ATXN10: variants seen among roughly 807,000 people sequenced by gnomAD.
The protein encoded by ATXN10 is ataxin 10.
Under a neutral mutation model 52.9 loss-of-function variants are expected in ATXN10, and 28 were observed. The observed-to-expected ratio is 0.53, with a 90% CI of 0.39 to 0.73. ATXN10 has a LOEUF of 0.73. ATXN10 is among the 30% of genes least tolerant of loss of function. ATXN10 has a pLI of 0.00. For synonymous variants in ATXN10, 226 were observed against 221.5 expected (o/e 1.02, Z -0.18); for missense variants, 565 against 577.0 (o/e 0.98, Z 0.21).
Position 45,689,887 on chromosome 22 carries a change from A to C in ATXN10, c.292A>C (p.Asn98His). The C allele has an allele frequency of 6.2e-7, 1 of 1,614,176 alleles. No homozygotes were observed. The highest frequency in any genetic ancestry group is 2.2e-5 in the East Asian group (1 of 44,888). ...CAATGCTTGCATAGAGTGTTCTGTG[A>C]ACCAGAATTCAATCAGGTAGTTACA... ...LRNACIECSV[N>H]QNSIRNLDTI... Residue 98 changes from asparagine to histidine, a missense_variant, in exon 2 of 12, where the codon AAC (asparagine) becomes CAC (histidine). Transcript: ENST00000252934.
chr22:45,801,568 CAA>C (rs1459770689), intron 9 of ATXN10, among the ~76,000 whole-genome samples: 6 of 152,116 alleles, frequency 3.9e-5, no homozygotes, highest in African/African-American at 1.2e-4. Flanking sequence ...CTAAAGCCAG[CAA>C]AAGAGTATGG....
rs1925900042 is a variant in ATXN10, at chr22:45,750,311, G to T, written c.1173+9773G>T. Among the ~76,000 whole-genome samples the T allele has an allele frequency of 6.6e-6, 1 of 152,010 alleles. No homozygotes were observed. Among genetic ancestry groups the T allele is most frequent in the African/African-American group, 2.4e-5 (1 of 41,360 alleles). On this transcript the variant is annotated intron_variant, in intron 9 of 11. Coordinates refer to ENST00000252934, the MANE Select transcript of ATXN10 (RefSeq NM_013236.4). The surrounding 1 kb of genome is among the most constrained non-coding windows in gnomAD (Gnocchi z 4.2). ...GGATTTTCCCATGTTCCCCAGGCTGGTCTTGAACTCCTGAGCTTGAGCAGT... is the reference window on the plus strand; with the variant it reads ...GGATTTTCCCATGTTCCCCAGGCTGTTCTTGAACTCCTGAGCTTGAGCAGT...
intron 9 of ATXN10, among the ~76,000 whole-genome samples, chr22:45,764,521 A>G (rs1039941656): frequency 2.0e-5 from 3 of 152,146 alleles, no homozygotes; most frequent in African/African-American, 7.2e-5. Flanking sequence ...CTCGCTCTTC[A>G]TGAGCCTTTG....
At chr22:45,707,805 C>G (rs1924100180) in intron 5 of ATXN10, among the ~76,000 whole-genome samples, 1 of 151,918 alleles carries the variant, frequency 6.6e-6, no homozygotes, top group Non-Finnish European at 1.5e-5. Flanking sequence ...GAGAGGAACT[C>G]TACATTTGGT....
chr22:45,721,174 G>A (rs1208058325), intron 6 of ATXN10, among the ~76,000 whole-genome samples: 2 of 152,080 alleles, frequency 1.3e-5, no homozygotes, highest in Non-Finnish European at 2.9e-5. Context: ...ATCAATTCAC[G>A]TGGCATGATT....
Position 45,750,805 on chromosome 22 carries a change from A to G in ATXN10, c.1173+10267A>G, listed in dbSNP as rs906160350. 2.6e-5 allele frequency among the ~76,000 whole-genome samples: 4 copies of G among 152,228 alleles called. No homozygotes were observed. Among genetic ancestry groups the G allele is most frequent in the Non-Finnish European group, 5.9e-5 (4 of 68,038 alleles). On this transcript the variant is annotated intron_variant, in intron 9 of 11. Transcript: ENST00000252934. The surrounding 1 kb of genome is among the most constrained non-coding windows in gnomAD (Gnocchi z 4.2). ...ACCATGTGATAAGGATAATCCAGCA[A>G]CCCGGGGAGAAAAGGAAAGCTTATT...
In ATXN10 at chr22:45,684,769, GAA is replaced by G. The variant is rs1923069524; in HGVS notation, c.117-4942_117-4941del. Reference sequence around the variant, plus strand: ...ATCCTGGATGTGACAGAAGAGGAGAGAAGAGTGTGAAAAGAAGTTTTGAGTTC... The same window carrying G: ...ATCCTGGATGTGACAGAAGAGGAGAGGAGTGTGAAAAGAAGTTTTGAGTTC... On this transcript the variant is annotated intron_variant, in intron 1 of 11. Coordinates refer to ENST00000252934, the MANE Select transcript of ATXN10 (RefSeq NM_013236.4). This position sits in a 1 kb window ranked among gnomAD's most constrained non-coding sequence, Gnocchi z 4.1. Among the ~76,000 whole-genome samples, 1 of 152,214 alleles carries G rather than the reference GAA, an allele frequency of 6.6e-6. No individual in the cohort carries two copies. Among genetic ancestry groups the G allele is most frequent in the African/African-American group, 2.4e-5 (1 of 41,458 alleles).
intron 10 of ATXN10, among the ~76,000 whole-genome samples, chr22:45,829,922 A>G (rs1601673408): frequency 6.6e-6 from 1 of 152,216 alleles, no homozygotes; most frequent in African/African-American, 2.4e-5. Flanking sequence ...AAAACAATGT[A>G]TAAGAAGAAC....
intron 10 of ATXN10, among the ~76,000 whole-genome samples, chr22:45,822,382 G>A (rs1569078394): frequency 6.6e-6 from 1 of 152,128 alleles, no homozygotes; most frequent in Non-Finnish European, 1.5e-5. Flanking sequence ...ACTCTTCAGA[G>A]TAGTGGTACC....
intron 9 of ATXN10, among the ~76,000 whole-genome samples, chr22:45,761,160 C>T (rs539792078): frequency 2.6e-5 from 4 of 152,218 alleles, no homozygotes; most frequent in East Asian, 1.9e-4. Context: ...CTTGCTCTGT[C>T]GCCAGGTTGG....
rs1218462631 is a variant in ATXN10, at chr22:45,842,074, G to A, written c.1238-917G>A. ...GTATTTGTTCTACCCTAGGTTCTTT[G>A]TTGTTCTCCCTGGATCAGGGTGCCA... is the stretch of plus-strand genomic sequence containing the variant. On this transcript the variant is annotated intron_variant, in intron 10 of 11. Coordinates refer to ENST00000252934, the MANE Select transcript of ATXN10 (RefSeq NM_013236.4). This position sits in a 1 kb window ranked among gnomAD's most constrained non-coding sequence, Gnocchi z 4.8. Among the ~76,000 whole-genome samples, 1 of 152,138 alleles carries A rather than the reference G, an allele frequency of 6.6e-6. No homozygotes were observed. The highest frequency in any genetic ancestry group is 1.9e-4 in the East Asian group (1 of 5,188).
In ATXN10 at chr22:45,787,631, C is replaced by T. The variant is rs749257448; in HGVS notation, c.1174-19328C>T. Among the ~76,000 whole-genome samples the T allele has an allele frequency of 6.6e-6, 1 of 152,118 alleles. No individual in the cohort carries two copies. Among genetic ancestry groups the T allele is most frequent in the East Asian group, 1.9e-4 (1 of 5,194 alleles). ...GCTCTTCCCATATCCCAGCTTTGGA[C>T]AGAATAGTCAGTTGGAATTAAAATA... On this transcript the variant is annotated intron_variant, in intron 9 of 11. Transcript: ENST00000252934. This position sits in a 1 kb window ranked among gnomAD's most constrained non-coding sequence, Gnocchi z 4.2.
intron 8 of ATXN10, among the ~76,000 whole-genome samples, chr22:45,740,015 T>C (rs774189119): frequency 6.6e-6 from 1 of 152,216 alleles, no homozygotes; most frequent in Non-Finnish European, 1.5e-5. Flanking sequence ...ACTGAAGTTA[T>C]TAGAAAAGTT....
Position 45,683,405 on chromosome 22 carries a change from G to T in ATXN10, c.117-6307G>T, listed in dbSNP as rs1923007173. On this transcript the variant is annotated intron_variant, in intron 1 of 11. Coordinates refer to ENST00000252934, the MANE Select transcript of ATXN10 (RefSeq NM_013236.4). This position sits in a 1 kb window ranked among gnomAD's most constrained non-coding sequence, Gnocchi z 4.8. ...TCCGTGGCCTACTGTGCCTGTCCAG[G>T]GTGGCTCTGTCTTGTCTCTCTGAGT... Among the ~76,000 whole-genome samples the T allele has an allele frequency of 6.6e-6, 1 of 152,058 alleles. No individual in the cohort carries two copies. The highest frequency in any genetic ancestry group is 1.5e-5 in the Non-Finnish European group (1 of 68,002).
chr22:45,825,914 G>A lies in ATXN10; in HGVS notation c.1238-17077G>A, dbSNP rs575896308. ...CAAAACCCCATCTCTACAAAAATTA[G>A]CCCCAGGCGTGGTGGTGTGCACCTG... On this transcript the variant is annotated intron_variant, in intron 10 of 11. Transcript: ENST00000252934. This position sits in a 1 kb window ranked among gnomAD's most constrained non-coding sequence, Gnocchi z 4.5. Among the ~76,000 whole-genome samples the A allele has an allele frequency of 6.6e-6, 1 of 152,054 alleles. No individual in the cohort carries two copies. Among genetic ancestry groups the A allele is most frequent in the East Asian group, 1.9e-4 (1 of 5,158 alleles).
Position 45,744,260 on chromosome 22 carries a change from T to G in ATXN10, c.1173+3722T>G, listed in dbSNP as rs1445581011. Reference sequence around the variant, plus strand: ...CACAGATTTTCCTAAAATCTTTGTGTACTGCCTGATTCCTCTGAATTTTGA... The same window carrying G: ...CACAGATTTTCCTAAAATCTTTGTGGACTGCCTGATTCCTCTGAATTTTGA... On this transcript the variant is annotated intron_variant, in intron 9 of 11. Transcript: ENST00000252934. This position sits in a 1 kb window ranked among gnomAD's most constrained non-coding sequence, Gnocchi z 4.9. 1 of 152,258 alleles carries G rather than the reference T, an allele frequency of 6.6e-6. No individual in the cohort carries two copies. Among genetic ancestry groups the G allele is most frequent in the Non-Finnish European group, 1.5e-5 (1 of 68,052 alleles). 9.4% of individuals were successfully genotyped at this position (152,258 alleles called of 1,614,324 possible).
At chr22:45,721,901 C>T (rs866067148) in intron 6 of ATXN10, among the ~76,000 whole-genome samples, 1 of 151,808 alleles carries the variant, frequency 6.6e-6, no homozygotes, top group African/African-American at 2.4e-5. Flanking sequence ...GGCAACAGAG[C>T]GAGACTCTGT....
rs1411745032 is a variant in ATXN10 at position 45,805,141 on chromosome 22, A to T, written c.1174-1818A>T. On this transcript the variant is annotated intron_variant, in intron 9 of 11. Transcript: ENST00000252934. The surrounding 1 kb of genome is among the most constrained non-coding windows in gnomAD (Gnocchi z 4.4). The stretch of plus-strand genomic sequence containing the variant: ...GTATCATTAGTCATCAGAAATGCGC[A>T]TCAAAACCACAATGGCATACCACTT... Among the ~76,000 whole-genome samples the T allele has an allele frequency of 3.3e-5, 5 of 152,216 alleles. No homozygotes were observed. The highest frequency in any genetic ancestry group is 1.2e-4 in the African/African-American group (5 of 41,448).
intron 3 of ATXN10, among the ~76,000 whole-genome samples, chr22:45,698,151 G>C (rs1226448137): frequency 6.6e-6 from 1 of 151,992 alleles, no homozygotes; most frequent in Non-Finnish European, 1.5e-5. Context: ...TATTTCTTTT[G>C]GGTGTATACC....
Sources: allele counts gnomAD v4.1 joint callset (sites outside exome capture counted in the v4.1 genomes callset), GRCh38; gene constraint gnomAD v4.1.1; non-coding constraint Gnocchi (gnomAD v3.1); transcripts MANE v1.5; gene names NCBI Gene and HGNC (gene_info 2026-07-23, HGNC 2026-07-21).